The following DYSF variants were observed in gnomAD, a reference collection of about 807,000 sequenced individuals.
DYSF encodes the protein dysferlin.
DYSF carries 212 observed loss-of-function variants against 274.9 expected under a neutral mutation model. The observed-to-expected ratio is 0.77, with a 90% confidence interval of 0.69 to 0.86. The LOEUF (loss-of-function observed/expected upper bound fraction) is 0.86, where lower values mean the gene tolerates loss of function less well. DYSF is among the 40% of genes least tolerant of loss of function. The pLI, the probability that DYSF is intolerant of heterozygous loss-of-function variation, is 0.00. For missense variants in DYSF, 2,666 were observed against 2,783.2 expected (o/e 0.96, Z 0.95); for synonymous variants, 1,091 against 1,078.7 (o/e 1.01, Z -0.22).
rs1410696954 is a variant in DYSF at position 71,659,053 on chromosome 2, C to T, written c.4911+20C>T. 1.2e-6 allele frequency: 2 copies of T among 1,614,078 alleles called. No individual in the cohort carries two copies. Among genetic ancestry groups the T allele is most frequent in the South Asian group, 2.2e-5 (2 of 91,082 alleles). ...GGAAAGGTAACTTTCCTAGAGCCCTCACCTCCCCCAGAGTAGCAGGCTCAG... is the reference window on the plus strand; with the variant it reads ...GGAAAGGTAACTTTCCTAGAGCCCTTACCTCCCCCAGAGTAGCAGGCTCAG... On this transcript the variant is annotated intron_variant, in intron 44 of 55. Transcript: ENST00000410020.
chr2:71,517,096 C>A, intron 10 of DYSF, 57 bp downstream of exon 10: 1 of 1,508,800 alleles, frequency 6.6e-7, no homozygotes, highest in Non-Finnish European at 9.2e-7. Context: ...GTTGGTGGAG[C>A]CTCTGTGGAC....
rs777726864 is a variant in DYSF, at chr2:71,656,227, C to T, written c.4692C>T (p.Phe1564=). The T allele has an allele frequency of 6.2e-7, 1 of 1,614,222 alleles. No individual in the cohort carries two copies. Among genetic ancestry groups the T allele is most frequent in the South Asian group, 1.1e-5 (1 of 91,086 alleles). ...FEGLSDFCNT[F]KLYRGKTQEE... is the part of the protein sequence containing the mutation. ...GCCTGTCTGACTTTTGTAACACCTT[C>T]AAGCTGTACCGGGGCAAGACGCAGG... Residue 1564 remains phenylalanine (F), a synonymous_variant, in exon 43 of 56, where the codon TTC becomes TTT. Coordinates refer to ENST00000410020, the MANE Select transcript of DYSF (RefSeq NM_001130987.2).
intron 12 of DYSF, among the ~76,000 whole-genome samples, chr2:71,523,822 G>C (rs2087570678): frequency 6.6e-6 from 1 of 152,146 alleles, no homozygotes; most frequent in Admixed American, 6.5e-5. Flanking sequence ...TGAAATTACA[G>C]GCGTGAGCCA....
Position 71,611,502 on chromosome 2 carries a change from A to G in DYSF, c.4097A>G (p.Gln1366Arg). Residue 1366 changes from glutamine to arginine, a missense_variant, in exon 38 of 56, where the codon CAG becomes CGG. By Grantham distance (43) the Gln-to-Arg change is conservative. Transcript: ENST00000410020. ...AWGLRNMKSYQLANISSPSLV... is the reference protein window; with the variant it reads ...AWGLRNMKSYRLANISSPSLV... ...GGCCTGCGGAACATGAAGAGTTACC[A>G]GCTGGCCAACATCTCCTCCCCCAGC... 6.2e-7 allele frequency: 1 copy of G among 1,614,120 alleles called. No homozygotes were observed. The highest frequency in any genetic ancestry group is 8.5e-7 in the Non-Finnish European group (1 of 1,180,012).
At chr2:71,512,925 A>G (rs1412756439) in intron 5 of DYSF, among the ~76,000 whole-genome samples, 2 of 151,980 alleles carry the variant, frequency 1.3e-5, no homozygotes, top group African/African-American at 4.8e-5. Context: ...GTGTGGCTGG[A>G]GTGGGCTCAG....
chr2:71,662,611 GTC>G (rs1444807161), intron 45 of DYSF, among the ~76,000 whole-genome samples: 4 of 135,562 alleles, frequency 3.0e-5, no homozygotes, highest in African/African-American at 1.2e-4. Context: ...GTCTGTGTGT[GTC>G]TGTGTGTCTG....
At chr2:71,526,417 A>AG in intron 13 of DYSF, 71 bp downstream of exon 13, 1 of 451,848 alleles carries the variant, frequency 2.2e-6, no homozygotes, top group Non-Finnish European at 4.2e-6. Flanking sequence ...GGGGTGGGCG[A>AG]TGGCGGGCGG....
chr2:71,662,931 T>C (rs2094917673), intron 45 of DYSF, among the ~76,000 whole-genome samples: 1 of 146,448 alleles, frequency 6.8e-6, no homozygotes, highest in Non-Finnish European at 1.5e-5. Context: ...TGTGCACGTA[T>C]GTGCATGTGT....
chr2:71,454,764 C>A (rs1288199663), intron 1 of DYSF, among the ~76,000 whole-genome samples: 1 of 152,162 alleles, frequency 6.6e-6, no homozygotes, highest in Admixed American at 6.5e-5. Context: ...AGCAGGGAAG[C>A]CACTCCCTTA....
chr2:71,644,146 G>A, intron 42 of DYSF, 83 bp downstream of exon 42: 1 of 1,158,910 alleles, frequency 8.6e-7, no homozygotes, highest in Non-Finnish European at 1.3e-6. Flanking sequence ...AGCTCATGCA[G>A]TAGATGTATT....
chr2:71,664,985 A>G (rs1333082864), intron 46 of DYSF, among the ~76,000 whole-genome samples, 177 bp from the exon 47 acceptor site: 1 of 152,170 alleles, frequency 6.6e-6, no homozygotes, highest in Non-Finnish European at 1.5e-5. Context: ...CTGAGCCTCC[A>G]TTTCTCCATC....
Position 71,612,723 on chromosome 2 carries a change from T to A in DYSF, c.4304T>A (p.Val1435Glu). 2 of 1,614,146 alleles carry A rather than the reference T, an allele frequency of 1.2e-6. No homozygotes were observed. The highest frequency in any genetic ancestry group is 1.3e-5 in the African/African-American group (1 of 75,038). ...CGCCAGTTTGGCCGCCGGCCTGTGGTGGGCCAGTGTACCATCCGCTCCCTG... is the reference window on the plus strand; with the variant it reads ...CGCCAGTTTGGCCGCCGGCCTGTGGAGGGCCAGTGTACCATCCGCTCCCTG... ...DNRQFGRRPVVGQCTIRSLES... is the reference protein window; with the variant it reads ...DNRQFGRRPVEGQCTIRSLES... The change falls in exon 39 of 56, where the codon GTG becomes GAG. Residue 1435 changes from valine (V) to glutamate (E), a missense_variant. Around this residue, in one of 3 missense-constraint regions of DYSF, gnomAD observed 1,460 missense variants for 1,502.1 expected, o/e 0.97. Coordinates refer to ENST00000410020, the MANE Select transcript of DYSF (RefSeq NM_001130987.2).
chr2:71,563,840 C>G (rs879488520), intron 23 of DYSF, among the ~76,000 whole-genome samples: 2 of 152,182 alleles, frequency 1.3e-5, no homozygotes, highest in Non-Finnish European at 2.9e-5. Context: ...CTGGGGGCAG[C>G]CTTATGCTCT....
chr2:71,533,342 C>G (rs2088958662), intron 14 of DYSF, among the ~76,000 whole-genome samples: 1 of 152,184 alleles, frequency 6.6e-6, no homozygotes, highest in South Asian at 2.1e-4. Flanking sequence ...TGTCTTTTAC[C>G]TTTTAGCACA....
chr2:71,571,008 C>CAGCA (rs1574066583), intron 29 of DYSF: 68 of 467,802 alleles, frequency 1.5e-4, no homozygotes, highest in East Asian at 8.5e-4. Context: ...CTGGGAACAC[C>CAGCA]CACAGATCAC....
intron 38 of DYSF, among the ~76,000 whole-genome samples, chr2:71,611,924 C>G (rs372535901): frequency 6.6e-6 from 1 of 152,208 alleles, no homozygotes; most frequent in Admixed American, 6.5e-5. Flanking sequence ...TCCCCTGGAG[C>G]GCCCTTGGGG....
rs2089679924 is a variant in DYSF at position 71,539,190 on chromosome 2, C to T, written c.1527C>T (p.Thr509=). ...TGACTCACAATGACATCGTGGCTAC[C>T]ACCTACCTGAGTATGTCGAAAATCT... The part of the protein sequence containing the change: ...DRLTHNDIVA[T]TYLSMSKISA... Residue 509 remains threonine (T), a synonymous_variant, in exon 17 of 56, where the codon ACC becomes ACT. Coordinates refer to ENST00000410020, the MANE Select transcript of DYSF (RefSeq NM_001130987.2). 6.2e-7 allele frequency: 1 copy of T among 1,614,004 alleles called. No individual in the cohort carries two copies. The highest frequency in any genetic ancestry group is 8.5e-7 in the Non-Finnish European group (1 of 1,180,026).
intron 41 of DYSF, among the ~76,000 whole-genome samples, chr2:71,631,732 G>A (rs1391168182): frequency 2.0e-5 from 3 of 152,058 alleles, no homozygotes; most frequent in Non-Finnish European, 4.4e-5. Flanking sequence ...CTGTTACGGG[G>A]GCTGGAGTCA....
intron 41 of DYSF, among the ~76,000 whole-genome samples, chr2:71,640,639 C>G (rs1036465400): frequency 1.2e-4 from 18 of 152,150 alleles, no homozygotes; most frequent in Non-Finnish European, 1.5e-5. Flanking sequence ...CTCTTGTATT[C>G]TGGAATAACC....
Sources: gnomAD v4.1 joint callset for allele counts (sites outside exome capture counted in the v4.1 genomes callset) on GRCh38, gnomAD v4.1.1 for gene constraint, gnomAD v4.1.1 regional missense constraint, MANE v1.5 for transcripts, NCBI Gene and HGNC (gene_info 2026-07-23, HGNC 2026-07-21) for gene names.